The following NBAS variants were observed in gnomAD, a reference collection of about 807,000 sequenced individuals.
NBAS encodes NAG/BC035112 fusion.
A neutral mutation model predicts 302.5 loss-of-function variants in NBAS; 219 were observed. That is an observed-to-expected ratio of 0.72 (90% CI 0.65 to 0.81). The LOEUF is 0.81. NBAS is among the 30% of genes least tolerant of loss of function. The pLI is 0.00. For synonymous variants in NBAS, 1,118 were observed against 1,021.6 expected, an observed-to-expected ratio of 1.09 and a Z score of -1.80; for missense variants, 2,932 against 2,841.6, an observed-to-expected ratio of 1.03 and a Z score of -0.72.
intron 48 of NBAS, among the ~76,000 whole-genome samples, chr2:15,194,343 G>A (rs1665508644): frequency 1.3e-5 from 2 of 152,110 alleles, no homozygotes; most frequent in African/African-American, 4.8e-5. Flanking sequence ...GAACATTAAT[G>A]TGAATAATAA....
the NBAS span, among the ~76,000 whole-genome samples, chr2:14,850,847 T>C: frequency 9.1e-6 from 1 of 109,470 alleles, no homozygotes; most frequent in Admixed American, 8.4e-5. Context: ...CATAACGAAA[T>C]GAAGGCAGAA....
the NBAS span, among the ~76,000 whole-genome samples, chr2:15,006,998 T>C: frequency 2.0e-5 from 3 of 152,240 alleles, no homozygotes; most frequent in Middle Eastern, 6.3e-3. Context: ...CATTAAACAC[T>C]ATTTAGTCCT....
chr2:15,553,048 C>T lies in NBAS; in HGVS notation c.335+378G>A, dbSNP rs144173629. 5.5e-3 allele frequency among the ~76,000 whole-genome samples: 833 copies of T among 152,222 alleles called. 6 individuals are homozygous for T. The highest frequency in any genetic ancestry group is 0.019 in the African/African-American group (806 of 41,530). On this transcript the variant is annotated intron_variant, in intron 5 of 51. Transcript: ENST00000281513. ...TCAATCTCTTGACCTTGTGATCTGC[C>T]CGCCTCGGCCTCCCAAAGTGCTGAA... is the stretch of plus-strand genomic sequence containing the variant.
chr2:15,523,796 C>G (rs773631039), intron 9 of NBAS, among the ~76,000 whole-genome samples: 10 of 152,092 alleles, frequency 6.6e-5, no homozygotes, highest in Non-Finnish European at 1.5e-4. Context: ...CACCTGTAAT[C>G]CCAGCAACTC....
chr2:15,500,824 T>C (rs574733089), intron 11 of NBAS, among the ~76,000 whole-genome samples: 1 of 151,022 alleles, frequency 6.6e-6, no homozygotes, highest in Non-Finnish European at 1.5e-5. Context: ...CTCAGGAGGC[T>C]GAGGCAGGAG....
chr2:15,499,404 A>C (rs575191812), intron 11 of NBAS, among the ~76,000 whole-genome samples: 1 of 152,268 alleles, frequency 6.6e-6, no homozygotes, highest in Admixed American at 6.5e-5. Flanking sequence ...TGTGTTACAT[A>C]CATGGAATAT....
the NBAS span, among the ~76,000 whole-genome samples, chr2:15,098,500 TTATATATTATATATTGTA>T: frequency 8.4e-6 from 1 of 119,364 alleles, no homozygotes; most frequent in African/African-American, 3.4e-5. Context: ...ATATAATATG[TTATATATTATATATTGTA>T]TATATGTTAT....
chr2:15,522,726 A>G (rs1041948171), intron 9 of NBAS, among the ~76,000 whole-genome samples: 1 of 152,242 alleles, frequency 6.6e-6, no homozygotes, highest in Non-Finnish European at 1.5e-5. Flanking sequence ...ACCCCTGAAT[A>G]CCACAGGGTT....
At chr2:15,392,107 C>A (rs553640028) in intron 28 of NBAS, among the ~76,000 whole-genome samples, 3 of 151,768 alleles carry the variant, frequency 2.0e-5, no homozygotes, top group South Asian at 4.2e-4. Context: ...ATAAAAAGTG[C>A]CAGAAATGGT....
chr2:14,943,424 T>C, the NBAS span, among the ~76,000 whole-genome samples: 10 of 152,254 alleles, frequency 6.6e-5, no homozygotes, highest in African/African-American at 9.6e-5. Flanking sequence ...GCGTATCTGC[T>C]GTAAAATTGC....
chr2:15,068,827 C>T, the NBAS span, among the ~76,000 whole-genome samples: 2 of 152,208 alleles, frequency 1.3e-5, no homozygotes, highest in Non-Finnish European at 2.9e-5. Flanking sequence ...GCTTATAACA[C>T]AATACCTGAA....
chr2:15,017,944 T>G, the NBAS span, among the ~76,000 whole-genome samples: 36 of 151,986 alleles, frequency 2.4e-4, no homozygotes, highest in African/African-American at 8.2e-4. Flanking sequence ...TATACACAAT[T>G]GAATATTATT....
At chr2:14,990,372 C>T in the NBAS span, among the ~76,000 whole-genome samples, 2 of 151,388 alleles carry the variant, frequency 1.3e-5, no homozygotes, top group Admixed American at 6.6e-5. Context: ...TGCAGGGAGC[C>T]GAGATCATGC....
the NBAS span, among the ~76,000 whole-genome samples, chr2:14,872,966 GC>G: frequency 6.6e-6 from 1 of 152,246 alleles, no homozygotes; most frequent in African/African-American, 2.4e-5. Flanking sequence ...CATACAGGCA[GC>G]GCAGACCCAG....
At chr2:15,407,435 G>A (rs1380951432) in intron 25 of NBAS, among the ~76,000 whole-genome samples, 2 of 152,206 alleles carry the variant, frequency 1.3e-5, no homozygotes, top group South Asian at 2.1e-4. Flanking sequence ...CCTAGGAATA[G>A]GGGAGAACTG....
chr2:15,115,330 G>A, the NBAS span, among the ~76,000 whole-genome samples: 2 of 152,162 alleles, frequency 1.3e-5, no homozygotes, highest in African/African-American at 2.4e-5. Flanking sequence ...GAAGTTAGAC[G>A]CTGACATACA....
rs370932817 is a variant in NBAS at position 15,308,281 on chromosome 2, A to G, written c.4732T>C (p.Tyr1578His). 1.9e-6 allele frequency: 3 copies of G among 1,614,096 alleles called. No individual in the cohort carries two copies. The African/African-American group carries it at 4.0e-5, about 22-fold the overall frequency. ...AATCGGGCATAGATCTGGAGGCTAT[A>G]GTAATACGCTGCCAGCTGGAGAGAT... ...ALSLQLAAYY[Y>H]SLQIYARLAP... is the part of the protein sequence containing the mutation. The change falls in exon 40 of 52, where the codon TAT becomes CAT. Residue 1578 changes from tyrosine (Y) to histidine (H), a missense_variant. Coordinates refer to ENST00000281513, the MANE Select transcript of NBAS (RefSeq NM_015909.4).
At chr2:14,856,260 C>A in the NBAS span, among the ~76,000 whole-genome samples, 2 of 152,164 alleles carry the variant, frequency 1.3e-5, no homozygotes. Context: ...TCCCCTAAAG[C>A]AAATACAGCT....
chr2:14,902,591 G>A, the NBAS span, among the ~76,000 whole-genome samples: 4 of 152,218 alleles, frequency 2.6e-5, no homozygotes, highest in African/African-American at 4.8e-5. Flanking sequence ...GAGATGGTCT[G>A]AAGCATTGCT....
Sources: gnomAD v4.1 joint callset for allele counts (sites outside exome capture counted in the v4.1 genomes callset) on GRCh38, gnomAD v4.1.1 for gene constraint, MANE v1.5 for transcripts, NCBI Gene and HGNC (gene_info 2026-07-23, HGNC 2026-07-21) for gene names.